Variants in RIMS2 observed in about 807,000 individuals in gnomAD.
RIMS2 encodes the protein regulating synaptic membrane exocytosis protein 2.
A neutral mutation model predicts 174.4 loss-of-function variants in RIMS2; 59 were observed. The observed-to-expected ratio is 0.34, with a 90% CI of 0.27 to 0.42. RIMS2 has a LOEUF of 0.42. Among genes scored for constraint, RIMS2 ranks in the 10% least tolerant of loss-of-function variants. The pLI is 1.00. For synonymous variants in RIMS2, 606 were observed against 572.5 expected, an observed-to-expected ratio of 1.06 and a Z score of -0.84; for missense variants, 1,620 against 1,666.3, an observed-to-expected ratio of 0.97 and a Z score of 0.48.
At chr8:104,014,562 G>A in exon 19 of RIMS2, 1 of 1,613,370 alleles carries the variant, frequency 6.2e-7, no homozygotes, top group Non-Finnish European at 8.5e-7. Context: ...CCAGTCGCAG[G>A]ACGAAGGGGC....
At chr8:104,194,623 G>C (rs76800180) in intron 19 of RIMS2, among the ~76,000 whole-genome samples, 4 of 152,104 alleles carry the variant, frequency 2.6e-5, no homozygotes, top group African/African-American at 7.2e-5. Flanking sequence ...GGCACAAAAA[G>C]TGTCTGACCC....
intron 1 of RIMS2, among the ~76,000 whole-genome samples, chr8:103,617,666 A>G (rs2095537343): frequency 6.6e-6 from 1 of 152,114 alleles, no homozygotes; most frequent in Non-Finnish European, 1.5e-5. Context: ...TTATAAGAGA[A>G]AAACAAGCCC....
intron 1 of RIMS2, among the ~76,000 whole-genome samples, chr8:103,506,182 A>G (rs1823515494): frequency 6.6e-6 from 1 of 152,050 alleles, no homozygotes; most frequent in Admixed American, 6.6e-5. Flanking sequence ...TAAAAAATTG[A>G]TTGACATTTT....
chr8:104,245,096 C>G, intron 20 of RIMS2, 39 bp downstream of exon 26: 1 of 1,598,566 alleles, frequency 6.3e-7, no homozygotes, highest in South Asian at 1.1e-5. Context: ...TCCTCCGTGC[C>G]TCACCTATCT....
intron 6 of RIMS2, among the ~76,000 whole-genome samples, chr8:103,915,071 A>G (rs1402612366): frequency 1.3e-5 from 2 of 152,096 alleles, no homozygotes; most frequent in Non-Finnish European, 2.9e-5. Context: ...AAGATTATCA[A>G]TGAAAATTTG....
At chr8:103,503,667 G>C (rs984834941) in intron 1 of RIMS2, among the ~76,000 whole-genome samples, 2 of 151,918 alleles carry the variant, frequency 1.3e-5, no homozygotes, top group African/African-American at 4.8e-5. Context: ...TGAAGATACT[G>C]CAATGGTTAG....
intron 3 of RIMS2, among the ~76,000 whole-genome samples, chr8:103,786,867 G>T (rs1312470213): frequency 6.6e-6 from 1 of 152,014 alleles, no homozygotes; most frequent in Non-Finnish European, 1.5e-5. Context: ...TGTTGACAGT[G>T]GGGTGTTAAA....
At position 103,936,546 on chromosome 8, in the gene RIMS2, C is replaced by T. The variant is rs1441925042; in HGVS notation, c.2376-5C>T. The T allele has an allele frequency of 2.6e-6, 4 of 1,516,250 alleles. No individual in the cohort carries two copies. Among genetic ancestry groups the T allele is most frequent in the Admixed American group, 2.1e-5 (1 of 46,608 alleles). 93.9% of individuals were successfully genotyped at this position (1,516,250 alleles called of 1,614,324 possible). A position where few individuals can be genotyped will look rare whatever the true frequency, so the allele number is the denominator to read the frequency against. On this transcript the variant is annotated splice_polypyrimidine_tract_variant and splice_region_variant and intron_variant, in intron 12 of 23. Transcript: ENST00000504942. ...AAGTTCATAATTCATTGTTTTTTTC[C>T]ATAGTGATAAAAACAAGAGAAGAAC...
intron 2 of RIMS2, among the ~76,000 whole-genome samples, chr8:103,749,161 T>G (rs1273202693): frequency 1.3e-5 from 2 of 148,822 alleles, no homozygotes; most frequent in Non-Finnish European, 3.0e-5. Context: ...GTCCAGGCTG[T>G]AGTGCAGTGG....
At chr8:104,115,463 C>T (rs978885414) in intron 19 of RIMS2, among the ~76,000 whole-genome samples, 1 of 151,996 alleles carries the variant, frequency 6.6e-6, no homozygotes, top group Non-Finnish European at 1.5e-5. Context: ...GGAACACTTA[C>T]TTAGTAAATC....
rs557579094 is a variant in RIMS2, at chr8:103,667,197, A to G, written c.177-29889A>G. 3.4e-4 allele frequency among the ~76,000 whole-genome samples: 52 copies of G among 152,314 alleles called. No homozygotes were observed. In the South Asian group the frequency reaches 0.011, roughly 32 times the overall value. On this transcript the variant is annotated intron_variant, in intron 1 of 23. Transcript: ENST00000504942. ...TACAACAGAATCTCTATAATACATA[A>G]TGTATGTGTCATGTGCAACAAGAAG...
At chr8:103,585,114 T>C (rs2093836334) in intron 1 of RIMS2, among the ~76,000 whole-genome samples, 1 of 152,032 alleles carries the variant, frequency 6.6e-6, no homozygotes, top group Non-Finnish European at 1.5e-5. Flanking sequence ...AAGAAGACAT[T>C]TATGCGGCCA....
rs924298645 is a variant in RIMS2 at position 104,033,302 on chromosome 8, A to C, written c.3334+18687A>C. Reference sequence around the variant, plus strand: ...AAGATAAATATAAAATTAATGTTTTATGTTATGATTTATATATCAAAAATT... The same window carrying C: ...AAGATAAATATAAAATTAATGTTTTCTGTTATGATTTATATATCAAAAATT... On this transcript the variant is annotated intron_variant, in intron 19 of 23. Coordinates refer to ENST00000504942, the Ensembl canonical transcript of RIMS2. Among the ~76,000 whole-genome samples, 7 of 151,996 alleles carry C rather than the reference A, an allele frequency of 4.6e-5. No homozygotes were observed. The East Asian group carries it at 1.3e-3, about 29-fold the overall frequency.
At position 103,516,427 on chromosome 8, in the gene RIMS2, A is replaced by C. The variant is rs1363056157; in HGVS notation, c.176+15365A>C. On this transcript the variant is annotated intron_variant, in intron 1 of 23. Transcript: ENST00000504942. ...TCCCTTTACTGAACTTATTTAATTA[A>C]ATTATGTTACATTATTTTTTATTTC... Among the ~76,000 whole-genome samples the C allele has an allele frequency of 2.0e-5, 3 of 152,104 alleles. No homozygotes were observed. The East Asian group carries it at 5.8e-4, about 29-fold the overall frequency.
intron 19 of RIMS2, among the ~76,000 whole-genome samples, chr8:104,198,642 G>T (rs1202450553): frequency 4.6e-5 from 7 of 152,174 alleles, no homozygotes; most frequent in Non-Finnish European, 1.5e-5. Context: ...TCTCCACGAG[G>T]CATTCCAGAC....
At chr8:104,021,287 A>C (rs975164575) in intron 19 of RIMS2, among the ~76,000 whole-genome samples, 1 of 152,176 alleles carries the variant, frequency 6.6e-6, no homozygotes, top group African/African-American at 2.4e-5. Flanking sequence ...TTAAAAGATA[A>C]TGTAACAAAA....
intron 19 of RIMS2, 100 bp from the exon 22 acceptor site, chr8:104,041,226 C>A: frequency 1.9e-6 from 1 of 522,568 alleles, no homozygotes; most frequent in South Asian, 2.8e-5. Flanking sequence ...TCAAAATGAT[C>A]TGAGGCCCTT....
intron 3 of RIMS2, among the ~76,000 whole-genome samples, chr8:103,874,432 A>G (rs2099126010): frequency 1.3e-5 from 2 of 152,036 alleles, no homozygotes; most frequent in African/African-American, 2.4e-5. Flanking sequence ...AGATGACAGA[A>G]AGCCAACAAC....
intron 19 of RIMS2, among the ~76,000 whole-genome samples, chr8:104,085,453 A>G (rs921251399): frequency 6.6e-6 from 1 of 152,216 alleles, no homozygotes; most frequent in African/African-American, 2.4e-5. Flanking sequence ...CACTCACATC[A>G]AATGATCACC....
Sources: allele counts gnomAD v4.1 joint callset (sites outside exome capture counted in the v4.1 genomes callset), GRCh38; gene constraint gnomAD v4.1.1; transcripts MANE v1.5; gene names NCBI Gene and HGNC (gene_info 2026-07-23, HGNC 2026-07-21).